The following SMYD3 variants were observed in gnomAD, a reference collection of about 807,000 sequenced individuals.
The protein encoded by SMYD3 is histone-lysine N-methyltransferase SMYD3.
Under a neutral mutation model 57.7 loss-of-function variants are expected in SMYD3, and 36 were observed. The ratio of observed to expected loss-of-function variants is 0.62; its 90% confidence interval spans 0.48 to 0.82. The LOEUF (loss-of-function observed/expected upper bound fraction) is 0.82. Among genes scored for constraint, SMYD3 ranks in the 40% least tolerant of loss-of-function variants. SMYD3 has a pLI of 0.00. For synonymous variants in SMYD3, 211 were observed against 195.0 expected (o/e 1.08, Z -0.68); for missense variants, 515 against 538.8 (o/e 0.96, Z 0.44).
intron 2 of SMYD3, among the ~76,000 whole-genome samples, chr1:246,351,096 C>G (rs900495350): frequency 1.3e-5 from 2 of 152,154 alleles, no homozygotes; most frequent in African/African-American, 4.8e-5. Context: ...TAATTTTCTA[C>G]CCATCGAATA....
rs116712342 is a variant in SMYD3, at chr1:246,199,036, C to T, written c.531+128165G>A. Among the ~76,000 whole-genome samples the T allele has an allele frequency of 8.7e-3, 1,330 of 152,118 alleles. 9 individuals carry two copies. Among genetic ancestry groups the T allele is most frequent in the Non-Finnish European group, 0.013 (857 of 67,998 alleles). ...CTCGATACATGGGTATGTAGTGTGG[C>T]GCTGAGGCTTGGGGTAGAAATGACT... On this transcript the variant is annotated intron_variant, in intron 5 of 11. Transcript: ENST00000490107.
chr1:246,041,072 T>C (rs1218943636), intron 5 of SMYD3, among the ~76,000 whole-genome samples: 1 of 152,218 alleles, frequency 6.6e-6, no homozygotes, highest in East Asian at 1.9e-4. Context: ...GATACACAAA[T>C]ACTTAACCTT....
chr1:246,208,616 C>G (rs1199242956), intron 5 of SMYD3, among the ~76,000 whole-genome samples: 1 of 152,110 alleles, frequency 6.6e-6, no homozygotes, highest in Non-Finnish European at 1.5e-5. Flanking sequence ...CATGTTTGTA[C>G]CAAGGGAAAA....
At chr1:245,973,309 C>T (rs1261510701) in intron 5 of SMYD3, among the ~76,000 whole-genome samples, 1 of 152,226 alleles carries the variant, frequency 6.6e-6, no homozygotes, top group Admixed American at 6.5e-5. Flanking sequence ...CTTATAGACA[C>T]AGCACAAGAA....
chr1:245,914,151 C>G (rs2055225847), intron 8 of SMYD3, among the ~76,000 whole-genome samples: 1 of 152,146 alleles, frequency 6.6e-6, no homozygotes, highest in South Asian at 2.1e-4. Flanking sequence ...CTTTTAATGG[C>G]AAAAACTGCA....
At chr1:246,100,167 C>T (rs561440015) in intron 5 of SMYD3, among the ~76,000 whole-genome samples, 24 of 152,188 alleles carry the variant, frequency 1.6e-4, no homozygotes, top group Admixed American at 7.9e-4. Context: ...GCTATGGTTG[C>T]GCCATTGCAC....
At chr1:245,879,343 C>G (rs781349794) in intron 8 of SMYD3, among the ~76,000 whole-genome samples, 90 of 152,232 alleles carry the variant, frequency 5.9e-4, no homozygotes, top group Non-Finnish European at 1.2e-3. Flanking sequence ...TGCATAGCAA[C>G]TGGCTCGCAG....
At chr1:245,968,834 C>G (rs1357041774) in intron 5 of SMYD3, among the ~76,000 whole-genome samples, 1 of 152,186 alleles carries the variant, frequency 6.6e-6, no homozygotes, top group Non-Finnish European at 1.5e-5. Context: ...CTTCTCAGGT[C>G]TGTGTCTTTC....
At chr1:245,901,601 G>A (rs970846426) in intron 8 of SMYD3, among the ~76,000 whole-genome samples, 12 of 152,254 alleles carry the variant, frequency 7.9e-5, no homozygotes, top group South Asian at 2.1e-4. Context: ...GAAACAGAGA[G>A]ACATCATCAA....
intron 1 of SMYD3, among the ~76,000 whole-genome samples, chr1:246,380,353 C>T (rs1399902425): frequency 1.3e-5 from 2 of 152,098 alleles, no homozygotes; most frequent in Non-Finnish European, 2.9e-5. Flanking sequence ...AATGGAAATT[C>T]GTAATTGATC....
chr1:246,227,309 CA>C (rs1426528281), intron 5 of SMYD3, among the ~76,000 whole-genome samples: 1 of 152,134 alleles, frequency 6.6e-6, no homozygotes, highest in East Asian at 1.9e-4. Context: ...GGGGCGCCCT[CA>C]GGAGGATTAA....
intron 5 of SMYD3, among the ~76,000 whole-genome samples, chr1:246,175,040 A>G (rs2062410092): frequency 2.0e-5 from 3 of 152,222 alleles, no homozygotes; most frequent in Admixed American, 6.5e-5. Flanking sequence ...ATCCTTAAAT[A>G]TACACATTTT....
chr1:246,371,021 A>G (rs2066183457), intron 1 of SMYD3, among the ~76,000 whole-genome samples: 1 of 152,234 alleles, frequency 6.6e-6, no homozygotes, highest in Non-Finnish European at 1.5e-5. Flanking sequence ...TGTAGAAATG[A>G]AATTTGAAAA....
chr1:246,108,383 C>A (rs1477846833), intron 5 of SMYD3, among the ~76,000 whole-genome samples: 3 of 152,164 alleles, frequency 2.0e-5, no homozygotes, highest in Admixed American at 6.5e-5. Flanking sequence ...CAGAAAATTA[C>A]CGTACTTAAA....
rs375838753 is a variant in SMYD3 at position 246,441,558 on chromosome 1, G to C, written c.164+65496C>G. On this transcript the variant is annotated intron_variant, in intron 1 of 11. Coordinates refer to ENST00000490107, the MANE Select transcript of SMYD3 (RefSeq NM_001167740.2). ...GGCTCAACAAAGGCACTGAAACAAG[G>C]ACAAAAAATGCCTCACTGACATTTT... Among the ~76,000 whole-genome samples, 8 of 152,198 alleles carry C rather than the reference G, an allele frequency of 5.3e-5. No homozygotes were observed. The East Asian group carries it at 1.5e-3, about 29-fold the overall frequency.
intron 5 of SMYD3, among the ~76,000 whole-genome samples, chr1:246,184,642 A>G (rs6697670): frequency 0.3 from 45,903 of 152,078 alleles, 8,239 homozygotes; most frequent in African/African-American, 0.49. Context: ...GAGGTCATAC[A>G]GGTGGGGACC....
chr1:246,363,330 C>T (rs1275316766), intron 1 of SMYD3, among the ~76,000 whole-genome samples: 2 of 151,884 alleles, frequency 1.3e-5, no homozygotes, highest in Non-Finnish European at 2.9e-5. Context: ...CCAGCCGCCC[C>T]ATCCGGGAGG....
intron 1 of SMYD3, among the ~76,000 whole-genome samples, chr1:246,417,949 A>G (rs2067087228): frequency 6.6e-6 from 1 of 152,220 alleles, no homozygotes; most frequent in Admixed American, 6.5e-5. Context: ...GAATGAGCAG[A>G]TAGTCAGCTT....
chr1:245,768,642 G>A (rs2046214836), intron 10 of SMYD3, among the ~76,000 whole-genome samples: 1 of 152,206 alleles, frequency 6.6e-6, no homozygotes, highest in African/African-American at 2.4e-5. Flanking sequence ...TGGAGGTCCG[G>A]CCTTTAAGAG....
Sources: gnomAD v4.1 joint callset for allele counts (sites outside exome capture counted in the v4.1 genomes callset) on GRCh38, gnomAD v4.1.1 for gene constraint, MANE v1.5 for transcripts, NCBI Gene and HGNC (gene_info 2026-07-23, HGNC 2026-07-21) for gene names.